Variants in CHST15 observed in about 807,000 individuals in gnomAD.
CHST15 encodes the protein carbohydrate sulfotransferase 15.
CHST15 carries 30 observed loss-of-function variants against 53.6 expected under a neutral mutation model. That is an observed-to-expected ratio of 0.56 (90% CI 0.42 to 0.76). The LOEUF (loss-of-function observed/expected upper bound fraction) is 0.76. Among genes scored for constraint, CHST15 ranks in the 30% least tolerant of loss-of-function variants. The pLI is 0.00. For missense variants in CHST15, 627 were observed against 740.5 expected (o/e 0.85, Z 1.78); for synonymous variants, 296 against 289.8 (o/e 1.02, Z -0.22).
At chr10:124,081,007 A>T (rs970520114) in intron 1 of CHST15, among the ~76,000 whole-genome samples, 6 of 151,998 alleles carry the variant, frequency 3.9e-5, no homozygotes, top group African/African-American at 1.5e-4. Context: ...GTCAAAGGAG[A>T]CTCCTGGGCC....
chr10:124,052,400 C>T (rs1201554739), intron 1 of CHST15, among the ~76,000 whole-genome samples: 2 of 152,204 alleles, frequency 1.3e-5, no homozygotes, highest in African/African-American at 2.4e-5. Flanking sequence ...AGCCACACCA[C>T]TCCGTCAACA....
chr10:124,062,944 G>C, intron 1 of CHST15, among the ~76,000 whole-genome samples: 1 of 152,128 alleles, frequency 6.6e-6, no homozygotes, highest in African/African-American at 2.4e-5. Context: ...AAAGCTGCAT[G>C]CAGACCAGCA....
At chr10:124,076,462 G>T (rs1182799151) in intron 1 of CHST15, among the ~76,000 whole-genome samples, 2 of 152,172 alleles carry the variant, frequency 1.3e-5, no homozygotes, top group African/African-American at 4.8e-5. Context: ...TCCTAAGCGT[G>T]TGCTTAGGTC....
chr10:124,027,105 C>T lies in CHST15; in HGVS notation c.1191-5693G>A, dbSNP rs570411858. Among the ~76,000 whole-genome samples, 11 of 152,306 alleles carry T rather than the reference C, an allele frequency of 7.2e-5. 1 individual carries two copies. In the South Asian group the frequency reaches 1.2e-3, roughly 17 times the overall value. On this transcript the variant is annotated intron_variant, in intron 5 of 7. Transcript: ENST00000435907. The stretch of plus-strand genomic sequence containing the variant: ...TACATTTGGCCAGGACTGTTTCCAA[C>T]GACAATTCCAAATATAAGTCCAAAT...
intron 5 of CHST15, among the ~76,000 whole-genome samples, 199 bp from the exon 6 acceptor site, chr10:124,021,611 T>C (rs1481423166): frequency 6.6e-6 from 1 of 152,124 alleles, no homozygotes; most frequent in Non-Finnish European, 1.5e-5. Context: ...CCTAAGCTCT[T>C]CCAGACCCAG....
At position 124,044,802 on chromosome 10, in the gene CHST15, A is replaced by G. The variant is rs1368830614; in HGVS notation, c.664T>C (p.Ser222Pro). ...TCGAAGGTGGAGCGGAAGCGCTTGG[A>G]GTAGAGCACGTAGGAGTTGGTGAGG... ...PYLTNSYVLYSKRFRSTFDAL... is the reference protein window; with the variant it reads ...PYLTNSYVLYPKRFRSTFDAL... The change falls in exon 3 of 8, where the codon TCC (serine) becomes CCC (proline). Residue 222 changes from serine (S) to proline (P), a missense_variant. Physicochemically the swap from Ser to Pro is moderately conservative, Grantham distance 74. Transcript: ENST00000435907. 1 of 1,603,854 alleles carries G rather than the reference A, an allele frequency of 6.2e-7. No homozygotes were observed. The highest frequency in any genetic ancestry group is 8.5e-7 in the Non-Finnish European group (1 of 1,174,040).
At chr10:124,031,373 T>C (rs1947218635) in intron 5 of CHST15, among the ~76,000 whole-genome samples, 2 of 152,202 alleles carry the variant, frequency 1.3e-5, no homozygotes, top group South Asian at 2.1e-4. Context: ...GTGATGTCAT[T>C]ATGTGAATGT....
At chr10:124,050,480 G>A (rs1295916556) in intron 1 of CHST15, among the ~76,000 whole-genome samples, 2 of 152,156 alleles carry the variant, frequency 1.3e-5, no homozygotes, top group Non-Finnish European at 1.5e-5. Context: ...TTGTTGTCAG[G>A]GCTGTCCCGC....
intron 2 of CHST15, 115 bp from the exon 3 acceptor site, chr10:124,045,034 T>C (rs1947912473): frequency 1.8e-6 from 1 of 547,800 alleles, no homozygotes; most frequent in Non-Finnish European, 2.7e-6. Context: ...TTTGAACTAA[T>C]ATTTGACAAT....
chr10:124,081,343 TGC>T (rs2134213741), intron 1 of CHST15, among the ~76,000 whole-genome samples: 1 of 16,186 alleles, frequency 6.2e-5, no homozygotes, highest in South Asian at 2.0e-3. Flanking sequence ...GGTCCATGCA[TGC>T]ACACACATGC....
Position 124,045,006 on chromosome 10 carries a change from C to G in CHST15, c.547-87G>C, listed in dbSNP as rs1947911474. The G allele has an allele frequency of 1.2e-5, 10 of 820,610 alleles. No homozygotes were observed. The South Asian group carries it at 2.4e-4, about 20-fold the overall frequency. The allele number at this position is 820,610 out of a possible 1,614,324, so 50.8% of individuals were successfully genotyped here. On this transcript the variant is annotated intron_variant, in intron 2 of 7. Transcript: ENST00000435907. ...ACCGCAATGGGAACCTGCCCTGAGA[C>G]TGACGACCGTGTTCAAATTTGAACT...
At chr10:124,062,533 C>T (rs141285232) in intron 1 of CHST15, among the ~76,000 whole-genome samples, 1 of 152,134 alleles carries the variant, frequency 6.6e-6, no homozygotes, top group Non-Finnish European at 1.5e-5. Context: ...CATGGACAGG[C>T]GTGGAGATTA....
chr10:124,027,966 T>G (rs1947076684), intron 5 of CHST15, among the ~76,000 whole-genome samples: 1 of 152,260 alleles, frequency 6.6e-6, no homozygotes, highest in African/African-American at 2.4e-5. Flanking sequence ...GGGTTTTGTT[T>G]GTTTAGGTGT....
At chr10:124,079,049 C>T (rs1467464165) in intron 1 of CHST15, among the ~76,000 whole-genome samples, 1 of 152,184 alleles carries the variant, frequency 6.6e-6, no homozygotes, top group Non-Finnish European at 1.5e-5. Flanking sequence ...GCCACAGCTG[C>T]CTGGTGTAGG....
chr10:124,027,074 G>A (rs1947038342), intron 5 of CHST15, among the ~76,000 whole-genome samples: 4 of 152,182 alleles, frequency 2.6e-5, no homozygotes, highest in Non-Finnish European at 5.9e-5. Flanking sequence ...CCGAACAGAT[G>A]GGTATTACAT....
intron 7 of CHST15, chr10:124,010,865 G>C (rs867284513): frequency 5.3e-5 from 52 of 985,362 alleles, no homozygotes; most frequent in Middle Eastern, 5.2e-4. Flanking sequence ...GCTGGGAGGA[G>C]GCCACTTGTG....
intron 1 of CHST15, among the ~76,000 whole-genome samples, chr10:124,088,238 C>G (rs968717768): frequency 2.0e-5 from 3 of 152,220 alleles, no homozygotes; most frequent in Admixed American, 6.5e-5. Context: ...GTCGCTACCC[C>G]GGGCTCCTGC....
chr10:124,059,916 G>A (rs552115646), intron 1 of CHST15, among the ~76,000 whole-genome samples: 1 of 152,136 alleles, frequency 6.6e-6, no homozygotes. Context: ...AAATGGCGAG[G>A]TCCTCTGGAG....
At position 124,024,379 on chromosome 10, in the gene CHST15, G is replaced by A. The variant is rs927062833; in HGVS notation, c.1191-2967C>T. The stretch of plus-strand genomic sequence containing the variant: ...ACACAGCCCTCTAGAATTCATCCAC[G>A]GCCAATGTCCACAGAGGACACCTCT... On this transcript the variant is annotated intron_variant, in intron 5 of 7. Transcript: ENST00000435907. This position sits in a 1 kb window ranked among gnomAD's most constrained non-coding sequence, Gnocchi z 4.0. Among the ~76,000 whole-genome samples the A allele has an allele frequency of 3.9e-5, 6 of 152,178 alleles. No homozygotes were observed. In the South Asian group the frequency reaches 6.2e-4, roughly 16 times the overall value.
Sources: allele counts gnomAD v4.1 joint callset (sites outside exome capture counted in the v4.1 genomes callset), GRCh38; gene constraint gnomAD v4.1.1; non-coding constraint Gnocchi (gnomAD v3.1); transcripts MANE v1.5; gene names NCBI Gene and HGNC (gene_info 2026-07-23, HGNC 2026-07-21).